Variants in IGF2BP3 observed in about 807,000 individuals in gnomAD.
The protein encoded by IGF2BP3 is insulin like growth factor 2 mRNA binding protein 3.
A neutral mutation model predicts 73.8 loss-of-function variants in IGF2BP3; 9 were observed. The ratio of observed to expected loss-of-function variants is 0.12; its 90% CI spans 0.07 to 0.21. The LOEUF (loss-of-function observed/expected upper bound fraction) is 0.21, where lower values mean the gene tolerates loss of function less well. IGF2BP3 is among the 10% of genes least tolerant of loss of function. The pLI is 1.00. For synonymous variants in IGF2BP3, 258 were observed against 256.7 expected (o/e 1.01, Z -0.05); for missense variants, 542 against 714.0 (o/e 0.76, Z 2.75).
chr7:23,368,794 C>T lies in IGF2BP3; in HGVS notation c.286-7053G>A, dbSNP rs574014024. Among the ~76,000 whole-genome samples the T allele has an allele frequency of 1.8e-4, 28 of 151,536 alleles. 2 individuals are homozygous for T. In the South Asian group the frequency reaches 5.4e-3, roughly 29 times the overall value. Reference sequence around the variant, plus strand: ...TGCCTGTAATCCCAGCTACTCGGGACGCTGAGGCAGGAGAATCACTTGAAC... The same window carrying T: ...TGCCTGTAATCCCAGCTACTCGGGATGCTGAGGCAGGAGAATCACTTGAAC... On this transcript the variant is annotated intron_variant, in intron 3 of 14. Coordinates refer to ENST00000258729, the MANE Select transcript of IGF2BP3 (RefSeq NM_006547.3).
At chr7:23,371,898 C>G (rs1327082058) in intron 3 of IGF2BP3, among the ~76,000 whole-genome samples, 1 of 152,188 alleles carries the variant, frequency 6.6e-6, no homozygotes, top group Non-Finnish European at 1.5e-5. Context: ...TGAGAGAGAA[C>G]AGTCCAACAA....
chr7:23,387,679 A>G (rs1158386583), intron 3 of IGF2BP3, among the ~76,000 whole-genome samples: 1 of 152,216 alleles, frequency 6.6e-6, no homozygotes, highest in Non-Finnish European at 1.5e-5. Context: ...AAAAAGGAAC[A>G]AAGCACTGAA....
intron 3 of IGF2BP3, 61 bp from the exon 4 acceptor site, chr7:23,361,802 G>A (rs1184642947): frequency 7.0e-7 from 1 of 1,420,036 alleles, no homozygotes; most frequent in African/African-American, 1.4e-5. Context: ...ATCAAGGGCA[G>A]GAATATGTCT....
At chr7:23,412,114 CTAAGA>C (rs947702410) in intron 3 of IGF2BP3, among the ~76,000 whole-genome samples, 2 of 150,980 alleles carry the variant, frequency 1.3e-5, no homozygotes, top group African/African-American at 4.9e-5. Flanking sequence ...TCCTGAGTAG[CTAAGA>C]TTACAGGCAT....
chr7:23,329,444 T>C (rs768843847), intron 10 of IGF2BP3, among the ~76,000 whole-genome samples: 1 of 152,196 alleles, frequency 6.6e-6, no homozygotes, highest in Non-Finnish European at 1.5e-5. Flanking sequence ...GTGCCCTGTT[T>C]GAATACCTCT....
At chr7:23,407,609 CA>C (rs569308741) in intron 3 of IGF2BP3, among the ~76,000 whole-genome samples, 4,688 of 89,618 alleles carry the variant, frequency 0.052, 160 homozygotes, top group African/African-American at 0.16. Context: ...ACTCTGTCTC[CA>C]AAAAAAAAAA....
In IGF2BP3 at chr7:23,327,366, C is replaced by T. The variant is rs977832300; in HGVS notation, c.1204-8112G>A. Reference sequence around the variant, plus strand: ...CGCAATCTCGGCTCACTGCAAGCTCCGCCTCCCGGGTTCACGCCATTCTCC... The same window carrying T: ...CGCAATCTCGGCTCACTGCAAGCTCTGCCTCCCGGGTTCACGCCATTCTCC... On this transcript the variant is annotated intron_variant, in intron 10 of 14. Coordinates refer to ENST00000258729, the MANE Select transcript of IGF2BP3 (RefSeq NM_006547.3). Among the ~76,000 whole-genome samples, 14 of 151,260 alleles carry T rather than the reference C, an allele frequency of 9.3e-5. No individual in the cohort carries two copies. In the East Asian group the frequency reaches 2.1e-3, roughly 23 times the overall value.
At chr7:23,357,222 T>A (rs1270162426) in intron 5 of IGF2BP3, among the ~76,000 whole-genome samples, 1 of 152,150 alleles carries the variant, frequency 6.6e-6, no homozygotes, top group Non-Finnish European at 1.5e-5. Context: ...TAACCATATT[T>A]ACCTTATACA....
At chr7:23,407,923 G>C (rs2128529288) in intron 3 of IGF2BP3, among the ~76,000 whole-genome samples, 1 of 116,884 alleles carries the variant, frequency 8.6e-6, no homozygotes, top group South Asian at 3.2e-4. Flanking sequence ...GGAATGCAGG[G>C]TTGGTTCAAC....
At chr7:23,451,354 C>CGAGCAGAAAGGT (rs1788191688) in intron 2 of IGF2BP3, among the ~76,000 whole-genome samples, 1 of 151,718 alleles carries the variant, frequency 6.6e-6, no homozygotes, top group South Asian at 2.1e-4. Flanking sequence ...GAAGCGGAGG[C>CGAGCAGAAAGGT]TGCAGTGAGC....
intron 10 of IGF2BP3, among the ~76,000 whole-genome samples, chr7:23,324,602 G>A (rs1214052593): frequency 2.0e-5 from 2 of 98,364 alleles, no homozygotes; most frequent in Admixed American, 1.2e-4. Flanking sequence ...ACCAAAGCCG[G>A]GCAGAGACAC....
intron 7 of IGF2BP3, 44 bp from the exon 8 acceptor site, chr7:23,346,106 A>G (rs758150722): frequency 1.3e-6 from 2 of 1,574,508 alleles, no homozygotes; most frequent in Non-Finnish European, 1.7e-6. Context: ...AAGTAAACCT[A>G]TTCGTGGGTA....
chr7:23,435,462 T>C (rs1584041879), intron 2 of IGF2BP3, among the ~76,000 whole-genome samples: 1 of 145,186 alleles, frequency 6.9e-6, no homozygotes, highest in East Asian at 2.0e-4. Flanking sequence ...TTTTTTTTTT[T>C]CTTTTCTTTG....
At chr7:23,352,286 T>A (rs1303856421) in intron 5 of IGF2BP3, among the ~76,000 whole-genome samples, 2 of 126,344 alleles carry the variant, frequency 1.6e-5, no homozygotes, top group African/African-American at 6.7e-5. Context: ...TCATTTTTTT[T>A]TTTTTTTTTT....
At chr7:23,339,527 G>A (rs1034699618) in intron 10 of IGF2BP3, among the ~76,000 whole-genome samples, 17 of 152,318 alleles carry the variant, frequency 1.1e-4, no homozygotes, top group South Asian at 8.3e-4. Flanking sequence ...GGCTACTGAA[G>A]CATCCATGTA....
intron 11 of IGF2BP3, chr7:23,317,933 C>T: frequency 1.8e-6 from 1 of 553,568 alleles, no homozygotes; most frequent in Non-Finnish European, 3.3e-6. Flanking sequence ...ATGGAGACCT[C>T]CACGTGCTGT....
chr7:23,368,705 C>T (rs1785458483), intron 3 of IGF2BP3, among the ~76,000 whole-genome samples: 2 of 152,022 alleles, frequency 1.3e-5, no homozygotes, highest in African/African-American at 4.8e-5. Context: ...TGAGACCAGC[C>T]TGACCAACAT....
intron 2 of IGF2BP3, among the ~76,000 whole-genome samples, chr7:23,449,566 T>C (rs969184599): frequency 7.0e-5 from 10 of 143,322 alleles, no homozygotes; most frequent in African/African-American, 2.3e-4. Context: ...TTTTTTTTTT[T>C]TTTTTTTTTT....
chr7:23,335,457 GT>G (rs574414368), intron 10 of IGF2BP3, among the ~76,000 whole-genome samples: 101 of 143,482 alleles, frequency 7.0e-4, no homozygotes, highest in African/African-American at 1.3e-3. Context: ...ATCTAAAAAA[GT>G]TTTTTTTTTT....
Sources: gnomAD v4.1 joint callset for allele counts (sites outside exome capture counted in the v4.1 genomes callset) on GRCh38, gnomAD v4.1.1 for gene constraint, MANE v1.5 for transcripts, NCBI Gene and HGNC (gene_info 2026-07-23, HGNC 2026-07-21) for gene names.